The following ZNF845 variants were observed in gnomAD, a reference collection of about 807,000 sequenced individuals.
ZNF845 encodes the protein zinc finger protein 845.
A neutral mutation model predicts 76.1 loss-of-function variants in ZNF845; 59 were observed. The ratio of observed to expected loss-of-function variants is 0.78; its 90% CI spans 0.63 to 0.96. The LOEUF is 0.96. Among genes scored for constraint, ZNF845 ranks in the 40% least tolerant of loss-of-function variants. The probability of loss-of-function intolerance (pLI) is 0.00; values close to 1 mark genes in which losing one functional copy is unlikely to be tolerated. For missense variants in ZNF845, 1,045 were observed against 1,172.8 expected (o/e 0.89, Z 1.59); for synonymous variants, 361 against 386.9 (o/e 0.93, Z 0.78).
chr19:53,336,527 C>T (rs2085214726), intron 1 of ZNF845, among the ~76,000 whole-genome samples: 1 of 151,914 alleles, frequency 6.6e-6, no homozygotes, highest in Non-Finnish European at 1.5e-5. Context: ...CAAACACCAC[C>T]ACCAAAAAAT....
rs754114959 is a variant in ZNF845, at chr19:53,353,425, G to C, written c.2750G>C (p.Cys917Ser). 2.3e-5 allele frequency: 37 copies of C among 1,613,602 alleles called. No individual in the cohort carries two copies. In the South Asian group the frequency reaches 4.1e-4, roughly 18 times the overall value. The change falls in exon 4 of 4, where the codon TGT becomes TCT. Residue 917 changes from cysteine (C) to serine (S), a missense_variant. Physicochemically the swap from Cys to Ser is moderately radical, Grantham distance 112. Transcript: ENST00000458035. ...RIHTGEKPYK[C>S]NECGKTFRHN... is the part of the protein sequence containing the mutation. ...CATACTGGAGAGAAACCTTACAAGTGTAATGAGTGTGGCAAAACCTTCCGT... is the reference window on the plus strand; with the variant it reads ...CATACTGGAGAGAAACCTTACAAGTCTAATGAGTGTGGCAAAACCTTCCGT...
chr19:53,345,456 G>A (rs747191648), intron 2 of ZNF845, 50 bp from the exon 3 acceptor site: 5 of 1,613,020 alleles, frequency 3.1e-6, no homozygotes, highest in Non-Finnish European at 2.5e-6. Flanking sequence ...TTCGTGTAAA[G>A]ATAAGAACTC....
chr19:53,348,841 T>C (rs1036161863), intron 3 of ZNF845, among the ~76,000 whole-genome samples: 3 of 149,774 alleles, frequency 2.0e-5, no homozygotes, highest in Non-Finnish European at 3.0e-5. Flanking sequence ...CTGACATTGT[T>C]AGTCAATTTT....
chr19:53,342,510 AC>A (rs1300955903), intron 2 of ZNF845, among the ~76,000 whole-genome samples: 2 of 152,104 alleles, frequency 1.3e-5, no homozygotes, highest in African/African-American at 2.4e-5. Flanking sequence ...TGCAGCTTAG[AC>A]CCATTGCCAT....
intron 2 of ZNF845, among the ~76,000 whole-genome samples, chr19:53,344,283 A>G (rs1375818662): frequency 6.6e-6 from 1 of 152,196 alleles, no homozygotes; most frequent in Non-Finnish European, 1.5e-5. Flanking sequence ...TCACGCCTGT[A>G]ATCCTAGCAC....
intron 2 of ZNF845, 91 bp downstream of exon 2, chr19:53,341,413 T>C (rs1235487404): frequency 1.9e-6 from 3 of 1,574,278 alleles, no homozygotes; most frequent in Non-Finnish European, 1.7e-6. Context: ...GTCTGAAGCA[T>C]CCTGCCTGAC....
chr19:53,335,863 A>G (rs1237278725), intron 1 of ZNF845, among the ~76,000 whole-genome samples: 1 of 151,940 alleles, frequency 6.6e-6, no homozygotes, highest in Non-Finnish European at 1.5e-5. Context: ...TGGCCCCCCA[A>G]ATGCTGGGAT....
rs1273056807 is a variant in ZNF845 at position 53,354,038 on chromosome 19, G to GCTTCATCTTATGCAAAACAGGAGA, written c.*457_*480dup. On this transcript the variant is annotated 3_prime_UTR_variant, in exon 4 of 4. Transcript: ENST00000458035. ...TGATTGTGGCAAGGTCTTCAGTCTA[G>GCTTCATCTTATGCAAAACAGGAGA]CTTCATCTTATGCAAAACAGGAGAC... 6.3e-6 allele frequency: 3 copies of GCTTCATCTTATGCAAAACAGGAGA among 477,654 alleles called. No homozygotes were observed. Among genetic ancestry groups the GCTTCATCTTATGCAAAACAGGAGA allele is most frequent in the Non-Finnish European group, 1.2e-5 (3 of 251,494 alleles). 29.6% of individuals were successfully genotyped at this position (477,654 alleles called of 1,614,324 possible).
At chr19:53,339,563 A>G (rs2085241789) in intron 1 of ZNF845, among the ~76,000 whole-genome samples, 1 of 152,160 alleles carries the variant, frequency 6.6e-6, no homozygotes, top group African/African-American at 2.4e-5. Context: ...CTAAGACCCA[A>G]GGATTTGAGT....
chr19:53,340,032 G>A (rs931899435), intron 1 of ZNF845, among the ~76,000 whole-genome samples: 1 of 152,016 alleles, frequency 6.6e-6, no homozygotes, highest in Non-Finnish European at 1.5e-5. Flanking sequence ...ACAGGCACAC[G>A]CCACCATGCC....
At chr19:53,338,916 TAAA>T (rs35457065) in intron 1 of ZNF845, among the ~76,000 whole-genome samples, 1 of 132,102 alleles carries the variant, frequency 7.6e-6, no homozygotes, top group Admixed American at 7.8e-5. Flanking sequence ...CCATCTCTAC[TAAA>T]AAAAAAAAAG....
Position 53,338,589 on chromosome 19 carries a change from A to G in ZNF845, c.-73-2646A>G, listed in dbSNP as rs2085232661. Among the ~76,000 whole-genome samples, 2 of 114,104 alleles carry G rather than the reference A, an allele frequency of 1.8e-5. 1 individual carries two copies. Among genetic ancestry groups the G allele is most frequent in the African/African-American group, 6.8e-5 (2 of 29,626 alleles). 74.9% of individuals were successfully genotyped at this position (114,104 alleles called of 152,430 possible). ...TTAGGAAAGATTCTTCCAAGAATCA[A>G]GAGTGCAAACAGCACCGTGAACTGC... On this transcript the variant is annotated intron_variant, in intron 1 of 3. Coordinates refer to ENST00000458035, the MANE Select transcript of ZNF845 (RefSeq NM_138374.3).
At chr19:53,334,481 A>C (rs1210492632) in intron 1 of ZNF845, among the ~76,000 whole-genome samples, 1 of 152,096 alleles carries the variant, frequency 6.6e-6, no homozygotes, top group Non-Finnish European at 1.5e-5. Context: ...GAGAGCAAAA[A>C]TGAAAAAAAC....
rs57616883 is a variant in ZNF845, at chr19:53,338,694, GCACACACA to G, written c.-73-2521_-73-2514del. 6.1e-4 allele frequency among the ~76,000 whole-genome samples: 86 copies of G among 140,346 alleles called. No homozygotes were observed. The East Asian group carries it at 8.2e-3, about 13-fold the overall frequency. 92.1% of individuals were successfully genotyped at this position (140,346 alleles called of 152,430 possible). ...TTTCCTTGCCTGTCACAACACGTGA[GCACACACA>G]CACACACACACACACACACGCACAC... is the stretch of plus-strand genomic sequence containing the variant. On this transcript the variant is annotated intron_variant, in intron 1 of 3. Coordinates refer to ENST00000458035, the MANE Select transcript of ZNF845 (RefSeq NM_138374.3).
intron 1 of ZNF845, among the ~76,000 whole-genome samples, chr19:53,334,770 C>T (rs1280848555): frequency 6.8e-6 from 1 of 148,044 alleles, no homozygotes; most frequent in Non-Finnish European, 1.5e-5. Flanking sequence ...TTTAACTGGG[C>T]GTGATGGTGC....
At position 53,353,275 on chromosome 19, in the gene ZNF845, T is replaced by A; in HGVS notation, c.2600T>A (p.Val867Asp). ...TACAAGTGTAGTGAATGTGGCAAGG[T>A]TTTTAATAGAAAAGCAAACCTTTCA... ...KPYKCSECGKVFNRKANLSRH... is the reference protein window; with the variant it reads ...KPYKCSECGKDFNRKANLSRH... Residue 867 changes from valine (V) to aspartate (D), a missense_variant, in exon 4 of 4, where the codon GTT becomes GAT. Val to Asp is a radical substitution (Grantham distance 152, BLOSUM62 -3). Coordinates refer to ENST00000458035, the MANE Select transcript of ZNF845 (RefSeq NM_138374.3). 1 of 1,613,040 alleles carries A rather than the reference T, an allele frequency of 6.2e-7. No homozygotes were observed. The highest frequency in any genetic ancestry group is 8.5e-7 in the Non-Finnish European group (1 of 1,179,704).
intron 3 of ZNF845, among the ~76,000 whole-genome samples, chr19:53,349,746 C>G (rs775609849): frequency 2.0e-5 from 3 of 152,150 alleles, no homozygotes; most frequent in Non-Finnish European, 2.9e-5. Context: ...GTTAATGTCA[C>G]AAAGTGCTGC....
intron 1 of ZNF845, among the ~76,000 whole-genome samples, chr19:53,335,892 C>T (rs977264961): frequency 4.6e-5 from 7 of 152,058 alleles, no homozygotes; most frequent in African/African-American, 1.2e-4. Flanking sequence ...TGAGCCACCA[C>T]GCCTGGCCCA....
At chr19:53,340,283 G>A (rs1036880075) in intron 1 of ZNF845, among the ~76,000 whole-genome samples, 11 of 152,262 alleles carry the variant, frequency 7.2e-5, no homozygotes, top group South Asian at 6.2e-4. Context: ...AACTTCTGAC[G>A]TCAAGTGATC....
Sources: allele counts gnomAD v4.1 joint callset (sites outside exome capture counted in the v4.1 genomes callset), GRCh38; gene constraint gnomAD v4.1.1; transcripts MANE v1.5; gene names NCBI Gene and HGNC (gene_info 2026-07-23, HGNC 2026-07-21).